The following SV2B variants were observed in gnomAD, a reference collection of about 807,000 sequenced individuals.
SV2B encodes solute carrier family 22 member B2.
Under a neutral mutation model 73.9 loss-of-function variants are expected in SV2B, and 41 were observed. That is an observed-to-expected ratio of 0.56 (90% CI 0.43 to 0.72). The LOEUF (loss-of-function observed/expected upper bound fraction) is 0.72. Ranked by LOEUF, SV2B falls within the 30% of genes least tolerant of loss-of-function variation. The probability of loss-of-function intolerance (pLI) is 0.00; values close to 1 mark genes in which losing one functional copy is unlikely to be tolerated. For missense variants in SV2B, 764 were observed against 857.8 expected, an observed-to-expected ratio of 0.89 and a Z score of 1.37; for synonymous variants, 314 against 314.2, an observed-to-expected ratio of 1.00 and a Z score of 0.01.
chr15:91,279,179 A>T (rs925182221), intron 9 of SV2B, among the ~76,000 whole-genome samples: 1 of 152,218 alleles, frequency 6.6e-6, no homozygotes, highest in African/African-American at 2.4e-5. Flanking sequence ...GTTTTATAGC[A>T]TACCTCTATC....
chr15:91,245,961 C>T lies in SV2B; in HGVS notation c.452-5858C>T, dbSNP rs2047205495. Among the ~76,000 whole-genome samples, 1 of 151,282 alleles carries T rather than the reference C, an allele frequency of 6.6e-6. No homozygotes were observed. The highest frequency in any genetic ancestry group is 2.1e-4 in the South Asian group (1 of 4,812). On this transcript the variant is annotated intron_variant, in intron 2 of 12. Coordinates refer to ENST00000394232, the MANE Select transcript of SV2B (RefSeq NM_001323032.3). The surrounding 1 kb of genome is among the most constrained non-coding windows in gnomAD (Gnocchi z 4.2). ...ATTTTACAAGTAAAATATCTATGCT[C>T]TGTCCCTTTATAGAAAAAGTTGGTG...
chr15:91,122,687 T>C lies in SV2B; in HGVS notation c.-392+22324T>C, dbSNP rs2042372407. Among the ~76,000 whole-genome samples the C allele has an allele frequency of 6.6e-6, 1 of 152,206 alleles. No homozygotes were observed. The highest frequency in any genetic ancestry group is 1.5e-5 in the Non-Finnish European group (1 of 68,028). ...TTTGTCTGTTCTTAGTCCTGTACTT[T>C]CCAAGACATCTATTGAAATAAGAGC... On this transcript the variant is annotated intron_variant, in intron 1 of 12. Transcript: ENST00000394232. The surrounding 1 kb of genome is among the most constrained non-coding windows in gnomAD (Gnocchi z 4.3).
At position 91,137,609 on chromosome 15, in the gene SV2B, T is replaced by TATATACATATATTTCATATATAC. The variant is rs1555470672; in HGVS notation, c.-392+37251_-392+37252insCATATATTTCATATATACATATA. ...ATTTCTCATATATATATATATTTCATATATATATTTCATATATACATATAT... is the reference window on the plus strand; with the variant it reads ...ATTTCTCATATATATATATATTTCATATATACATATATTTCATATATACATATATATTTCATATATACATATAT... On this transcript the variant is annotated intron_variant, in intron 1 of 12. Transcript: ENST00000394232. The surrounding 1 kb of genome is among the most constrained non-coding windows in gnomAD (Gnocchi z 4.9). 3.6e-5 allele frequency among the ~76,000 whole-genome samples: 5 copies of TATATACATATATTTCATATATAC among 138,222 alleles called. No individual in the cohort carries two copies. The highest frequency in any genetic ancestry group is 1.1e-4 in the African/African-American group (4 of 37,282). The allele number at this position is 138,222 out of a possible 152,430, so 90.7% of individuals were successfully genotyped here. A position where few individuals can be genotyped will look rare whatever the true frequency, so the allele number is the denominator to read the frequency against.
rs547776032 is a variant in SV2B, at chr15:91,106,590, A to G, written c.-392+6227A>G. 3.3e-5 allele frequency among the ~76,000 whole-genome samples: 5 copies of G among 152,354 alleles called. No homozygotes were observed. In the East Asian group the frequency reaches 7.7e-4, roughly 23 times the overall value. On this transcript the variant is annotated intron_variant, in intron 1 of 12. Coordinates refer to ENST00000394232, the MANE Select transcript of SV2B (RefSeq NM_001323032.3). This position sits in a 1 kb window ranked among gnomAD's most constrained non-coding sequence, Gnocchi z 4.4. ...AGAGGCTTTAAATGTGAAGGCTCCA[A>G]TCGCTTATATCATACGGAAAGCAAC...
intron 1 of SV2B, among the ~76,000 whole-genome samples, chr15:91,133,383 C>T (rs1434726735): frequency 6.6e-6 from 1 of 151,952 alleles, no homozygotes; most frequent in Non-Finnish European, 1.5e-5. Flanking sequence ...ACTTTTTCTT[C>T]CTTTTCCTTT....
chr15:91,114,312 G>T (rs2042119859), intron 1 of SV2B, among the ~76,000 whole-genome samples: 1 of 152,110 alleles, frequency 6.6e-6, no homozygotes, highest in Non-Finnish European at 1.5e-5. Context: ...TGCTGGGAGG[G>T]TTAATCTATG....
intron 4 of SV2B, among the ~76,000 whole-genome samples, chr15:91,254,223 T>G (rs2141621592): frequency 6.7e-6 from 1 of 150,282 alleles, no homozygotes; most frequent in Admixed American, 6.6e-5. Flanking sequence ...ACTAAGGGAT[T>G]ATTTTCACTT....
chr15:91,206,743 T>C (rs1596582506), intron 1 of SV2B, among the ~76,000 whole-genome samples: 5 of 152,184 alleles, frequency 3.3e-5, no homozygotes, highest in South Asian at 2.1e-4. Context: ...ATGTTCGACC[T>C]AGTACCTGTT....
In SV2B at chr15:91,267,436, C is replaced by T. The variant is rs1434144332; in HGVS notation, c.1120-119C>T. 19 of 810,290 alleles carry T rather than the reference C, an allele frequency of 2.3e-5. 1 individual carries two copies. The highest frequency in any genetic ancestry group is 1.6e-4 in the South Asian group (10 of 60,888). The allele number at this position is 810,290 out of a possible 1,614,324, so 50.2% of individuals were successfully genotyped here. On this transcript the variant is annotated intron_variant, in intron 7 of 12. Coordinates refer to ENST00000394232, the MANE Select transcript of SV2B (RefSeq NM_001323032.3). The surrounding 1 kb of genome is among the most constrained non-coding windows in gnomAD (Gnocchi z 4.3). ...CTGCCTCTAGGAGACAGTGGGGTAC[C>T]GGTTCTCTCCATGGGTTCCTAGGCA...
rs576396632 is a variant in SV2B, at chr15:91,280,885, A to C, written c.1374-843A>C. On this transcript the variant is annotated intron_variant, in intron 9 of 12. Coordinates refer to ENST00000394232, the MANE Select transcript of SV2B (RefSeq NM_001323032.3). The surrounding 1 kb of genome is among the most constrained non-coding windows in gnomAD (Gnocchi z 5.8). ...TAGCTCTCCAGATATATTTGGAAGCATATGTATCCATGCCCTTTCTTACCT... is the reference window on the plus strand; with the variant it reads ...TAGCTCTCCAGATATATTTGGAAGCCTATGTATCCATGCCCTTTCTTACCT... 6.6e-6 allele frequency among the ~76,000 whole-genome samples: 1 copy of C among 152,178 alleles called. No individual in the cohort carries two copies. The highest frequency in any genetic ancestry group is 1.5e-5 in the Non-Finnish European group (1 of 68,038).
chr15:91,228,894 A>G lies in SV2B; in HGVS notation c.451+2180A>G, dbSNP rs141764343. Among the ~76,000 whole-genome samples the G allele has an allele frequency of 1.1e-3, 173 of 152,348 alleles. 1 individual carries two copies. Among genetic ancestry groups the G allele is most frequent in the East Asian group, 5.2e-3 (27 of 5,182 alleles). On this transcript the variant is annotated intron_variant, in intron 2 of 12. Coordinates refer to ENST00000394232, the MANE Select transcript of SV2B (RefSeq NM_001323032.3). ...GGCCAGAATTTCCACACGCTGTCAC[A>G]TGGAATCTTCAGAGTCACCATGTCG...
At chr15:91,200,800 C>T (rs8040825) in intron 1 of SV2B, among the ~76,000 whole-genome samples, 5 of 151,786 alleles carry the variant, frequency 3.3e-5, no homozygotes, top group Admixed American at 6.6e-5. Context: ...AGTTCCAGCT[C>T]CTCAGGAGCC....
chr15:91,259,845 G>A (rs1400465439), intron 5 of SV2B, among the ~76,000 whole-genome samples: 1 of 152,148 alleles, frequency 6.6e-6, no homozygotes, highest in East Asian at 1.9e-4. Flanking sequence ...ACTCCAGAAT[G>A]TCGTAATCTT....
intron 1 of SV2B, among the ~76,000 whole-genome samples, chr15:91,149,290 A>G (rs886375236): frequency 6.6e-6 from 1 of 152,180 alleles, no homozygotes; most frequent in African/African-American, 2.4e-5. Flanking sequence ...TAGTAGTAAG[A>G]TGAGGGGATA....
chr15:91,198,550 G>A (rs370890752), intron 1 of SV2B, among the ~76,000 whole-genome samples: 10 of 151,248 alleles, frequency 6.6e-5, no homozygotes, highest in African/African-American at 2.4e-4. Flanking sequence ...TTGTTAAAAT[G>A]GAGTATTACG....
At chr15:91,135,406 A>T (rs2042790029) in intron 1 of SV2B, among the ~76,000 whole-genome samples, 1 of 152,182 alleles carries the variant, frequency 6.6e-6, no homozygotes, top group South Asian at 2.1e-4. Flanking sequence ...CATACTTCTC[A>T]GTTGACAGCT....
In SV2B at chr15:91,232,153, G is replaced by C. The variant is rs759944941; in HGVS notation, c.451+5439G>C. 6.6e-6 allele frequency among the ~76,000 whole-genome samples: 1 copy of C among 152,074 alleles called. No individual in the cohort carries two copies. The highest frequency in any genetic ancestry group is 1.5e-5 in the Non-Finnish European group (1 of 68,008). ...GTCTCAGAAGGGGGTGGCATGGAGG[G>C]GGGTCACTTCTGTGGCACAAAATAT... On this transcript the variant is annotated intron_variant, in intron 2 of 12. Transcript: ENST00000394232. This position sits in a 1 kb window ranked among gnomAD's most constrained non-coding sequence, Gnocchi z 4.7.
intron 10 of SV2B, among the ~76,000 whole-genome samples, chr15:91,282,208 C>A (rs997620662): frequency 1.3e-5 from 2 of 152,216 alleles, no homozygotes; most frequent in Non-Finnish European, 2.9e-5. Context: ...AGGAGGGCTG[C>A]ATTTTATGCA....
intron 1 of SV2B, among the ~76,000 whole-genome samples, chr15:91,112,541 C>T (rs2042065843): frequency 2.0e-5 from 3 of 152,066 alleles, no homozygotes; most frequent in Non-Finnish European, 4.4e-5. Context: ...TGTTGTTACC[C>T]AAAACAAATG....
Sources: gnomAD v4.1 joint callset for allele counts (sites outside exome capture counted in the v4.1 genomes callset) on GRCh38, gnomAD v4.1.1 for gene constraint, Gnocchi (gnomAD v3.1) non-coding constraint, MANE v1.5 for transcripts, NCBI Gene and HGNC (gene_info 2026-07-23, HGNC 2026-07-21) for gene names.